Variants in NCOA7 observed in about 807,000 individuals in gnomAD.
The protein encoded by NCOA7 is nuclear receptor coactivator 7.
In NCOA7, 45 loss-of-function variants were observed where a neutral mutation model predicts 104.3. That is an observed-to-expected ratio of 0.43 (90% CI 0.34 to 0.55). The LOEUF (loss-of-function observed/expected upper bound fraction) is 0.55. Ranked by LOEUF, NCOA7 falls within the 20% of genes least tolerant of loss-of-function variation. The probability of loss-of-function intolerance (pLI) is 0.02; values close to 1 mark genes in which losing one functional copy is unlikely to be tolerated. For synonymous variants in NCOA7, 398 were observed against 402.3 expected (o/e 0.99, Z 0.13); for missense variants, 1,041 against 1,119.7 (o/e 0.93, Z 1.00).
At position 125,890,760 on chromosome 6, in the gene NCOA7, C is replaced by T. The variant is rs749847148; in HGVS notation, c.2046C>T (p.Tyr682=). Residue 682 remains tyrosine (Y), a synonymous_variant, in exon 10 of 16, where the codon TAC becomes TAT. Transcript: ENST00000392477. ...ATHTAAMVQQ[Y]GKRRKQPEYW... The stretch of plus-strand genomic sequence containing the variant: ...ACACTGCAGCCATGGTCCAGCAGTA[C>T]GGCAAACGGAGAAAGCAGCCAGAGT... 61 of 1,612,854 alleles carry T rather than the reference C, an allele frequency of 3.8e-5. No homozygotes were observed. The highest frequency in any genetic ancestry group is 1.1e-4 in the African/African-American group (8 of 74,938).
chr6:125,820,275 A>G (rs1156584168), intron 2 of NCOA7, among the ~76,000 whole-genome samples: 1 of 152,220 alleles, frequency 6.6e-6, no homozygotes, highest in Non-Finnish European at 1.5e-5. Flanking sequence ...CTGACCCACA[A>G]GCAGAACACC....
At chr6:125,848,254 G>A (rs1191577331) in intron 2 of NCOA7, among the ~76,000 whole-genome samples, 1 of 152,080 alleles carries the variant, frequency 6.6e-6, no homozygotes, top group Non-Finnish European at 1.5e-5. Context: ...ATTCCTCAAG[G>A]ATCTAGAACT....
Position 125,878,314 on chromosome 6 carries a change from C to T in NCOA7, c.403C>T (p.Pro135Ser). Residue 135 changes from proline to serine, a missense_variant, in exon 5 of 16, where the codon CCC (proline) becomes TCC (serine). Physicochemically the swap from Pro to Ser is moderately conservative, Grantham distance 74. Coordinates refer to ENST00000392477, the MANE Select transcript of NCOA7 (RefSeq NM_181782.5). ...NSIALKFNIT[P>S]NKLVELNKLF... is the part of the protein sequence containing the mutation. ...CATAGCACTGAAATTTAACATCACTCCCAATAAATTGGTGGAACTGAATAA... is the reference window on the plus strand; with the variant it reads ...CATAGCACTGAAATTTAACATCACTTCCAATAAATTGGTGGAACTGAATAA... 7 of 1,612,834 alleles carry T rather than the reference C, an allele frequency of 4.3e-6. No individual in the cohort carries two copies. Among genetic ancestry groups the T allele is most frequent in the Non-Finnish European group, 5.9e-6 (7 of 1,179,436 alleles).
chr6:125,886,594 T>C (rs888201937), intron 8 of NCOA7, among the ~76,000 whole-genome samples: 6 of 152,200 alleles, frequency 3.9e-5, no homozygotes, highest in Admixed American at 2.0e-4. Context: ...TATTTCAGGG[T>C]TGAAATTATT....
chr6:125,882,737 C>T (rs1161468712), intron 7 of NCOA7, 186 bp downstream of exon 7: 2 of 624,282 alleles, frequency 3.2e-6, no homozygotes, highest in Non-Finnish European at 5.4e-6. Context: ...TAAATGTTGT[C>T]ACTGAGTGGA....
chr6:125,781,124 A>C (rs1774211251), upstream of NCOA7: 3 of 152,290 alleles, frequency 2.0e-5, no homozygotes, highest in African/African-American at 7.2e-5. Context: ...TGCAATTACC[A>C]AAGGAGTCAA....
At chr6:125,877,766 C>T (rs1013493228) in intron 4 of NCOA7, among the ~76,000 whole-genome samples, 1 of 152,204 alleles carries the variant, frequency 6.6e-6, no homozygotes, top group Admixed American at 6.5e-5. Context: ...CATTCATCAA[C>T]TTTTTGAGTA....
At chr6:125,851,371 T>G (rs1371636014) in intron 2 of NCOA7, among the ~76,000 whole-genome samples, 1 of 152,198 alleles carries the variant, frequency 6.6e-6, no homozygotes, top group Non-Finnish European at 1.5e-5. Context: ...ATTCCTAAGT[T>G]ACTTCACCTA....
At chr6:125,787,126 A>G (rs570584557), upstream of NCOA7, among the ~76,000 whole-genome samples, 1 of 100,506 alleles carries the variant, frequency 9.9e-6, no homozygotes, top group Non-Finnish European at 2.0e-5. Flanking sequence ...TGTCTGGAAG[A>G]AAAAAAAAAA....
chr6:125,881,187 A>G lies in NCOA7; in HGVS notation c.557A>G (p.Glu186Gly). The G allele has an allele frequency of 1.9e-6, 3 of 1,610,578 alleles. No individual in the cohort carries two copies. The highest frequency in any genetic ancestry group is 2.5e-6 in the Non-Finnish European group (3 of 1,176,830). ...GTCTCTCCTTCATCATCAGATGCAG[A>G]ATATGATAAATTGCCTGTATGTATA... Reference protein sequence around the residue: ...ATVSPSSSDAEYDKLPDADLA... With the variant: ...ATVSPSSSDAGYDKLPDADLA... The change falls in exon 6 of 16, where the codon GAA becomes GGA. Residue 186 changes from glutamate to glycine, a missense_variant. Transcript: ENST00000392477.
chr6:125,928,282 AT>A, intron 15 of NCOA7, 35 bp downstream of exon 15: 4 of 1,572,206 alleles, frequency 2.5e-6, no homozygotes, highest in Non-Finnish European at 3.5e-6. Context: ...TCTTATTGTT[AT>A]TTTACCACCT....
chr6:125,790,550 C>T (rs1277968674), upstream of NCOA7, among the ~76,000 whole-genome samples: 1 of 152,060 alleles, frequency 6.6e-6, no homozygotes, highest in African/African-American at 2.4e-5. Flanking sequence ...GCCGGGGTGC[C>T]CAGCCTCCCA....
In NCOA7 at chr6:125,888,970, A is replaced by G; in HGVS notation, c.916A>G (p.Arg306Gly). 6.2e-7 allele frequency: 1 copy of G among 1,613,672 alleles called. No individual in the cohort carries two copies. The highest frequency in any genetic ancestry group is 8.5e-7 in the Non-Finnish European group (1 of 1,179,788). Residue 306 changes from arginine (R) to glycine (G), a missense_variant, in exon 9 of 16, where the codon AGG becomes GGG. Arg to Gly is a moderately radical substitution (Grantham distance 125, BLOSUM62 -2). Coordinates refer to ENST00000392477, the MANE Select transcript of NCOA7 (RefSeq NM_181782.5). The stretch of plus-strand genomic sequence containing the variant: ...ACCTCAGGATCTTTGTCCTCTGTAC[A>G]GGCCTGGAGAATGGGAAGACCTGGC... ...DLPQDLCPLY[R>G]PGEWEDLASE...
chr6:125,849,394 C>T (rs1780922406), intron 2 of NCOA7, among the ~76,000 whole-genome samples: 1 of 152,170 alleles, frequency 6.6e-6, no homozygotes, highest in Non-Finnish European at 1.5e-5. Flanking sequence ...AAGAAGCTCG[C>T]AATCATGGTA....
At chr6:125,847,660 G>A (rs983190787) in intron 2 of NCOA7, among the ~76,000 whole-genome samples, 4 of 152,102 alleles carry the variant, frequency 2.6e-5, no homozygotes, top group Admixed American at 2.0e-4. Context: ...AATTCAAGGT[G>A]GATTAAAGAC....
chr6:125,905,647 C>A (rs1187867177), intron 10 of NCOA7, among the ~76,000 whole-genome samples: 2 of 152,010 alleles, frequency 1.3e-5, no homozygotes, highest in African/African-American at 4.8e-5. Flanking sequence ...GAAAGGTGAA[C>A]AAAATCAGAA....
chr6:125,862,149 G>A (rs1159318889), intron 3 of NCOA7, among the ~76,000 whole-genome samples: 1 of 135,458 alleles, frequency 7.4e-6, no homozygotes, highest in Non-Finnish European at 1.6e-5. Context: ...ATAGAACCAC[G>A]GGAGTAAAAA....
chr6:125,820,870 T>C (rs1778114816), intron 2 of NCOA7, among the ~76,000 whole-genome samples: 1 of 152,176 alleles, frequency 6.6e-6, no homozygotes, highest in African/African-American at 2.4e-5. Flanking sequence ...TGGGATATAA[T>C]GAAGTGGAGT....
chr6:125,885,839 C>T (rs549771443), intron 8 of NCOA7, among the ~76,000 whole-genome samples: 1 of 152,268 alleles, frequency 6.6e-6, no homozygotes, highest in African/African-American at 2.4e-5. Context: ...CCTTCTCATG[C>T]TGTGAAGAGG....
Sources: gnomAD v4.1 joint callset for allele counts (sites outside exome capture counted in the v4.1 genomes callset) on GRCh38, gnomAD v4.1.1 for gene constraint, MANE v1.5 for transcripts, NCBI Gene and HGNC (gene_info 2026-07-23, HGNC 2026-07-21) for gene names.